PATJ: variants seen among roughly 807,000 people sequenced by gnomAD.
PATJ encodes PATJ crumbs cell polarity complex component.
PATJ carries 190 observed loss-of-function variants against 224.9 expected under a neutral mutation model. The observed-to-expected ratio is 0.84, with a 90% CI of 0.75 to 0.95. The LOEUF is 0.95. Among genes scored for constraint, PATJ ranks in the 40% least tolerant of loss-of-function variants. The probability of loss-of-function intolerance (pLI) is 0.00; values close to 1 mark genes in which losing one functional copy is unlikely to be tolerated. For missense variants in PATJ, 2,121 were observed against 2,270.3 expected (o/e 0.93, Z 1.34); for synonymous variants, 769 against 820.3 (o/e 0.94, Z 1.07).
At chr1:61,837,309 T>C (rs1349593216) in intron 17 of PATJ, among the ~76,000 whole-genome samples, 1 of 152,256 alleles carries the variant, frequency 6.6e-6, no homozygotes, top group Admixed American at 6.5e-5. Flanking sequence ...GTTTGTACTC[T>C]ATCAATTCTT....
intron 31 of PATJ, among the ~76,000 whole-genome samples, chr1:62,061,262 A>G (rs1169787849): frequency 1.3e-5 from 2 of 151,804 alleles, no homozygotes; most frequent in Non-Finnish European, 2.9e-5. Context: ...GCTCACTACA[A>G]TCTCTACCTC....
chr1:61,806,720 A>G (rs1653641234), intron 13 of PATJ, among the ~76,000 whole-genome samples: 1 of 152,106 alleles, frequency 6.6e-6, no homozygotes, highest in Non-Finnish European at 1.5e-5. Context: ...TTTGCTTCAC[A>G]GATTTTGAAT....
intron 33 of PATJ, among the ~76,000 whole-genome samples, chr1:62,090,712 G>A (rs1660623508): frequency 6.6e-6 from 1 of 152,102 alleles, no homozygotes; most frequent in Non-Finnish European, 1.5e-5. Context: ...TCTTGTTGGA[G>A]TGTTGAATTT....
At chr1:62,111,487 A>T (rs1663804664) in intron 34 of PATJ, among the ~76,000 whole-genome samples, 1 of 152,172 alleles carries the variant, frequency 6.6e-6, no homozygotes, top group Non-Finnish European at 1.5e-5. Flanking sequence ...CCTGTGCCAA[A>T]TGATTTACAG....
intron 16 of PATJ, among the ~76,000 whole-genome samples, chr1:61,829,720 T>C (rs1658972422): frequency 6.6e-6 from 1 of 152,236 alleles, no homozygotes. Context: ...GTCTTGGCTC[T>C]TTTTCCATCT....
intron 42 of PATJ, 79 bp downstream of exon 42, chr1:62,148,469 T>C (rs1668301013): frequency 1.0e-6 from 1 of 1,002,004 alleles, no homozygotes; most frequent in Non-Finnish European, 1.6e-6. Flanking sequence ...TCAAGTGCAC[T>C]CTAAAGGAGA....
chr1:62,115,574 T>G (rs1395099705), intron 35 of PATJ, among the ~76,000 whole-genome samples: 1 of 150,284 alleles, frequency 6.7e-6, no homozygotes, highest in Non-Finnish European at 1.5e-5. Flanking sequence ...AGGTAAGTAA[T>G]AGCTTGAAAC....
intron 43 of PATJ, among the ~76,000 whole-genome samples, chr1:62,158,967 C>A (rs1295047501): frequency 2.6e-5 from 4 of 152,108 alleles, no homozygotes; most frequent in East Asian, 1.9e-4. Context: ...TTTAAAAATT[C>A]TTTCCTTGCA....
chr1:61,796,981 C>T (rs1651461089), intron 10 of PATJ, among the ~76,000 whole-genome samples: 1 of 152,042 alleles, frequency 6.6e-6, no homozygotes, highest in African/African-American at 2.4e-5. Flanking sequence ...ATTCTCCTGC[C>T]TCAGCCTCCC....
chr1:61,989,459 C>T (rs1357898990), intron 27 of PATJ, among the ~76,000 whole-genome samples: 1 of 152,078 alleles, frequency 6.6e-6, no homozygotes, highest in Non-Finnish European at 1.5e-5. Flanking sequence ...CTCCCATAAC[C>T]CAGTGTTATT....
rs764384263 is a variant in PATJ at position 62,128,953 on chromosome 1, G to A, written c.5271+8G>A. ...GGGCGCATTATCCTGCAGGTATTGCGATCAACGGAGCACGCAGCTGTGCAA... is the reference window on the plus strand; with the variant it reads ...GGGCGCATTATCCTGCAGGTATTGCAATCAACGGAGCACGCAGCTGTGCAA... On this transcript the variant is annotated splice_region_variant and intron_variant, in intron 41 of 43. Transcript: ENST00000642238. 1.3e-5 allele frequency: 20 copies of A among 1,564,718 alleles called. No homozygotes were observed. The highest frequency in any genetic ancestry group is 2.2e-5 in the South Asian group (2 of 89,332).
chr1:61,876,996 T>C (rs535887090), intron 21 of PATJ, among the ~76,000 whole-genome samples: 1 of 152,288 alleles, frequency 6.6e-6, no homozygotes, highest in Non-Finnish European at 1.5e-5. Flanking sequence ...TTTGGAAGAT[T>C]TCAGACAGAA....
chr1:62,037,263 G>C (rs1467951675), intron 29 of PATJ, among the ~76,000 whole-genome samples: 1 of 152,140 alleles, frequency 6.6e-6, no homozygotes, highest in African/African-American at 2.4e-5. Context: ...ATAAAGGATA[G>C]TCATTATCTC....
intron 27 of PATJ, among the ~76,000 whole-genome samples, chr1:61,963,663 A>G (rs1281265014): frequency 6.6e-6 from 1 of 152,166 alleles, no homozygotes; most frequent in Non-Finnish European, 1.5e-5. Context: ...GAAGTGGATC[A>G]TCATAAAGGT....
intron 28 of PATJ, among the ~76,000 whole-genome samples, chr1:61,994,795 C>T (rs1264094047): frequency 6.6e-6 from 1 of 152,096 alleles, no homozygotes; most frequent in Non-Finnish European, 1.5e-5. Context: ...CTCAGGTGAT[C>T]CACCTGCCTC....
chr1:62,016,771 T>C lies in PATJ; in HGVS notation c.3868-1085T>C, dbSNP rs1198235471. ...ATCTTTCTGTGTAGTTGGTTTAAAA[T>C]TTGACTTAAAACAGGGATATAATAT... On this transcript the variant is annotated intron_variant, in intron 28 of 43. Coordinates refer to ENST00000642238, the MANE Select transcript of PATJ (RefSeq NM_001350145.3). Among the ~76,000 whole-genome samples the C allele has an allele frequency of 2.6e-5, 4 of 152,178 alleles. No homozygotes were observed. In the East Asian group the frequency reaches 7.7e-4, roughly 29 times the overall value.
intron 27 of PATJ, among the ~76,000 whole-genome samples, chr1:61,966,560 C>A (rs952992819): frequency 1.3e-5 from 2 of 151,908 alleles, no homozygotes; most frequent in African/African-American, 4.8e-5. Flanking sequence ...GTGGTGGGCC[C>A]CTGTAACCCC....
chr1:62,079,548 T>C lies in PATJ; in HGVS notation c.4224T>C (p.Asp1408=). The C allele has an allele frequency of 1.9e-6, 3 of 1,602,272 alleles. No individual in the cohort carries two copies. Among genetic ancestry groups the C allele is most frequent in the Non-Finnish European group, 2.6e-6 (3 of 1,169,440 alleles). The stretch of plus-strand genomic sequence containing the variant: ...CAGCTTCATCATACCATTCAACAGA[T>C]GCAGACTTCACAGGCTATGGTATGA... ...LAPASSYHST[D]ADFTGYGGFQ... is the part of the protein sequence containing the mutation. Residue 1408 remains aspartate, a synonymous_variant, in exon 32 of 44, where the codon GAT becomes GAC. Transcript: ENST00000642238.
intron 25 of PATJ, among the ~76,000 whole-genome samples, chr1:61,910,385 G>T (rs986559816): frequency 6.6e-6 from 1 of 152,056 alleles, no homozygotes; most frequent in Non-Finnish European, 1.5e-5. Flanking sequence ...TATTCCCTAT[G>T]TAGTATAATA....
Sources: allele counts gnomAD v4.1 joint callset (sites outside exome capture counted in the v4.1 genomes callset), GRCh38; gene constraint gnomAD v4.1.1; transcripts MANE v1.5; gene names NCBI Gene and HGNC (gene_info 2026-07-23, HGNC 2026-07-21).